C6: variants seen among roughly 807,000 people sequenced by gnomAD.
C6 encodes the protein complement C6, also known as complement component C6.
C6 carries 101 observed loss-of-function variants against 112.9 expected under a neutral mutation model. That is an observed-to-expected ratio of 0.89 (90% CI 0.76 to 1.06). The LOEUF (loss-of-function observed/expected upper bound fraction) is 1.06. Ranked by LOEUF, C6 falls within the 50% of genes least tolerant of loss-of-function variation. C6 has a pLI of 0.00. For synonymous variants in C6, 431 were observed against 384.1 expected (o/e 1.12, Z -1.43); for missense variants, 1,202 against 1,104.6 (o/e 1.09, Z -1.25).
At chr5:41,177,605 A>C (rs1748962913) in intron 7 of C6, among the ~76,000 whole-genome samples, 2 of 145,852 alleles carry the variant, frequency 1.4e-5, no homozygotes, top group Admixed American at 1.3e-4. Context: ...ATAACTGTTA[A>C]TTATTAACCG....
intron 1 of C6, among the ~76,000 whole-genome samples, chr5:41,259,617 C>A (rs2150447833): frequency 6.6e-6 from 1 of 151,718 alleles, no homozygotes; most frequent in African/African-American, 2.4e-5. Flanking sequence ...TTAAAAAAAT[C>A]AATAAACCCC....
At chr5:41,151,079 T>A (rs1746350173) in intron 15 of C6, among the ~76,000 whole-genome samples, 1 of 152,070 alleles carries the variant, frequency 6.6e-6, no homozygotes, top group Non-Finnish European at 1.5e-5. Context: ...CAGTCTCTGA[T>A]AGGTTTTAAG....
At chr5:41,236,793 T>C (rs2150419922) in intron 1 of C6, among the ~76,000 whole-genome samples, 1 of 132,702 alleles carries the variant, frequency 7.5e-6, no homozygotes, top group Admixed American at 7.8e-5. Context: ...CAGGAGCTGG[T>C]TTTTTGAAAG....
chr5:41,185,496 A>C (rs967896909), intron 6 of C6, among the ~76,000 whole-genome samples: 5 of 152,216 alleles, frequency 3.3e-5, no homozygotes, highest in Non-Finnish European at 7.3e-5. Flanking sequence ...ACGAGTATGG[A>C]GCACTTACGT....
Position 41,201,850 on chromosome 5 carries a change from G to A in C6, c.144-136C>T, listed in dbSNP as rs148940829. On this transcript the variant is annotated intron_variant, in intron 2 of 17. Transcript: ENST00000337836. Reference sequence around the variant, plus strand: ...TTTTCATGGAAAAATTAGGCAGGTTGGCATATATGCAGTTCTCACCACTTA... The same window carrying A: ...TTTTCATGGAAAAATTAGGCAGGTTAGCATATATGCAGTTCTCACCACTTA... The A allele has an allele frequency of 2.3e-3, 1,801 of 772,398 alleles. 26 individuals carry two copies. The African/African-American group carries it at 0.027, about 11-fold the overall frequency. 47.8% of individuals were successfully genotyped at this position (772,398 alleles called of 1,614,324 possible). A position where few individuals can be genotyped will look rare whatever the true frequency, so the allele number is the denominator to read the frequency against.
rs112072328 is a variant in C6, at chr5:41,200,360, C to T, written c.301-448G>A. Among the ~76,000 whole-genome samples, 1,212 of 152,202 alleles carry T rather than the reference C, an allele frequency of 8.0e-3. 17 individuals carry two copies. The highest frequency in any genetic ancestry group is 0.027 in the African/African-American group (1,135 of 41,518). ...TGAAAACCAATGCGAATGTAGTCTA[C>T]ACTTTAAAAAGATTTTAAATGGCGA... is the stretch of plus-strand genomic sequence containing the variant. On this transcript the variant is annotated intron_variant, in intron 3 of 17. Coordinates refer to ENST00000337836, the MANE Select transcript of C6 (RefSeq NM_000065.5).
chr5:41,227,040 C>T (rs1276197256), intron 1 of C6, among the ~76,000 whole-genome samples: 2 of 152,094 alleles, frequency 1.3e-5, no homozygotes, highest in Non-Finnish European at 2.9e-5. Context: ...ATACTGTTTT[C>T]TATAATGTCT....
At position 41,250,138 on chromosome 5, in the gene C6, C is replaced by T. The variant is rs530698184; in HGVS notation, c.-21+11056G>A. On this transcript the variant is annotated intron_variant, in intron 1 of 17. Coordinates refer to the C6 transcript ENST00000263413. ...ATCGGGGGAATTTAATATGTGGCTC[C>T]GGCTTTGCAGCGTCACACCCTATTT... Among the ~76,000 whole-genome samples, 95 of 152,214 alleles carry T rather than the reference C, an allele frequency of 6.2e-4. 1 individual carries two copies. The highest frequency in any genetic ancestry group is 3.4e-3 in the Middle Eastern group (1 of 294).
chr5:41,230,077 G>T (rs1277253374), intron 1 of C6, among the ~76,000 whole-genome samples: 1 of 152,038 alleles, frequency 6.6e-6, no homozygotes, highest in South Asian at 2.1e-4. Context: ...AATTTCTTAT[G>T]TCTGTCTTTA....
chr5:41,225,318 T>C (rs1002510525), intron 1 of C6, among the ~76,000 whole-genome samples: 38 of 32,640 alleles, frequency 1.2e-3, no homozygotes, highest in African/African-American at 5.3e-3. Flanking sequence ...ATGCAGTGTT[T>C]GTTTTTTTTT....
At chr5:41,231,889 C>A (rs1739925062) in intron 1 of C6, among the ~76,000 whole-genome samples, 1 of 145,144 alleles carries the variant, frequency 6.9e-6, no homozygotes, top group Non-Finnish European at 1.5e-5. Flanking sequence ...TTCTTTAATA[C>A]AGTTTTTTTT....
At position 41,195,844 on chromosome 5, in the gene C6, C is replaced by G. The variant is rs1417032440; in HGVS notation, c.535G>C (p.Val179Leu). 6.2e-7 allele frequency: 1 copy of G among 1,613,972 alleles called. No individual in the cohort carries two copies. The highest frequency in any genetic ancestry group is 1.1e-5 in the South Asian group (1 of 91,088). Residue 179 changes from valine (V) to leucine (L), a missense_variant, in exon 5 of 18, where the codon GTA (valine) becomes CTA (leucine). Physicochemically the swap from Val to Leu is conservative, Grantham distance 32. Transcript: ENST00000337836. ...DERDCGRTKA[V>L]CTRKYNPIPS... ...ATGGGATTATACTTCCGTGTGCATA[C>G]TGCCTTTGTCCTCCCACAGTCCCTT...
chr5:41,160,474 C>T, intron 10 of C6, 107 bp from the exon 11 acceptor site: 2 of 849,544 alleles, frequency 2.4e-6, no homozygotes, highest in Non-Finnish European at 4.0e-6. Flanking sequence ...AAATTTTACA[C>T]TTCAAAGGGA....
intron 9 of C6, among the ~76,000 whole-genome samples, chr5:41,166,728 C>A (rs1748009336): frequency 6.6e-6 from 1 of 152,162 alleles, no homozygotes; most frequent in Non-Finnish European, 1.5e-5. Context: ...TCTAGGAGGG[C>A]ACCTAACCTT....
At chr5:41,240,073 T>G (rs1284684452) in intron 1 of C6, among the ~76,000 whole-genome samples, 1 of 152,174 alleles carries the variant, frequency 6.6e-6, no homozygotes, top group African/African-American at 2.4e-5. Context: ...GACTATAATG[T>G]GTTAGGGAGG....
At position 41,200,044 on chromosome 5, in the gene C6, T is replaced by A. The variant is rs1387932337; in HGVS notation, c.301-132A>T. The A allele has an allele frequency of 1.1e-5, 9 of 807,282 alleles. No homozygotes were observed. In the Admixed American group the frequency reaches 1.9e-4, roughly 17 times the overall value. 50.0% of individuals were successfully genotyped at this position (807,282 alleles called of 1,614,324 possible). ...TATTTCTTATATTTTTACTAATGAT[T>A]CTTCCAATTCCATTATTATGCTCCC... On this transcript the variant is annotated intron_variant, in intron 3 of 17. Transcript: ENST00000337836.
intron 17 of C6, among the ~76,000 whole-genome samples, chr5:41,148,585 G>A (rs928655148): frequency 6.6e-6 from 1 of 152,184 alleles, no homozygotes; most frequent in African/African-American, 2.4e-5. Context: ...GCTGTTTTCT[G>A]AGAATGAGGG....
chr5:41,253,807 C>T (rs1741513957), intron 1 of C6, among the ~76,000 whole-genome samples: 1 of 152,056 alleles, frequency 6.6e-6, no homozygotes, highest in Non-Finnish European at 1.5e-5. Flanking sequence ...TGTAATTTCT[C>T]CAAAGCTGTA....
chr5:41,156,367 A>G (rs977121213), intron 13 of C6, among the ~76,000 whole-genome samples: 1 of 152,046 alleles, frequency 6.6e-6, no homozygotes, highest in African/African-American at 2.4e-5. Flanking sequence ...GCAAAGCTCT[A>G]TTTTTATAGT....
Sources: gnomAD v4.1 joint callset for allele counts (sites outside exome capture counted in the v4.1 genomes callset) on GRCh38, gnomAD v4.1.1 for gene constraint, MANE v1.5 for transcripts, NCBI Gene and HGNC (gene_info 2026-07-23, HGNC 2026-07-21) for gene names.